Variants in DNAAF9 observed in about 807,000 individuals in gnomAD.
DNAAF9 encodes dynein axonemal assembly factor 9.
A neutral mutation model predicts 167.0 loss-of-function variants in DNAAF9; 90 were observed. The ratio of observed to expected loss-of-function variants is 0.54; its 90% CI spans 0.45 to 0.64. The LOEUF (loss-of-function observed/expected upper bound fraction) is 0.64. DNAAF9 is among the 30% of genes least tolerant of loss of function. The probability of loss-of-function intolerance (pLI) is 0.00; values close to 1 mark genes in which losing one functional copy is unlikely to be tolerated. For missense variants in DNAAF9, 1,315 were observed against 1,442.2 expected, an observed-to-expected ratio of 0.91 and a Z score of 1.43; for synonymous variants, 491 against 508.8, an observed-to-expected ratio of 0.96 and a Z score of 0.47.
At chr20:3,259,350 G>A (rs556472403) in intron 33 of DNAAF9, 130 bp downstream of exon 33, 1 of 723,458 alleles carries the variant, frequency 1.4e-6, no homozygotes, top group Non-Finnish European at 2.5e-6. Flanking sequence ...TGAAGGCCCA[G>A]GGTGGGGAAG....
intron 31 of DNAAF9, among the ~76,000 whole-genome samples, chr20:3,263,044 A>T (rs542523836): frequency 9.3e-5 from 12 of 129,204 alleles, no homozygotes; most frequent in African/African-American, 3.6e-4. Flanking sequence ...GCGTGATCTC[A>T]GCTCACTGCA....
chr20:3,293,126 T>C (rs1374482531), intron 25 of DNAAF9, among the ~76,000 whole-genome samples: 2 of 150,106 alleles, frequency 1.3e-5, no homozygotes, highest in East Asian at 2.0e-4. Flanking sequence ...ACCCCGTCTC[T>C]ACTAAAAATA....
chr20:3,348,290 C>T (rs973613529), intron 8 of DNAAF9, among the ~76,000 whole-genome samples: 1 of 152,076 alleles, frequency 6.6e-6, no homozygotes, highest in African/African-American at 2.4e-5. Context: ...GAATTCCTGG[C>T]ACCACCACAC....
chr20:3,351,786 G>A (rs1949381994), intron 7 of DNAAF9, among the ~76,000 whole-genome samples: 1 of 152,108 alleles, frequency 6.6e-6, no homozygotes, highest in Admixed American at 6.6e-5. Flanking sequence ...TTTACAATAA[G>A]TTATTAGATT....
chr20:3,405,495 A>C (rs913583631), intron 1 of DNAAF9, among the ~76,000 whole-genome samples: 1 of 152,220 alleles, frequency 6.6e-6, no homozygotes, highest in African/African-American at 2.4e-5. Flanking sequence ...AAAGGAGGGA[A>C]GCCTTCAGCA....
intron 3 of DNAAF9, among the ~76,000 whole-genome samples, chr20:3,377,004 G>T (rs951725616): frequency 2.0e-5 from 3 of 152,210 alleles, no homozygotes; most frequent in Non-Finnish European, 4.4e-5. Flanking sequence ...GGGAGGCAGA[G>T]GTTGCAGTGA....
intron 1 of DNAAF9, among the ~76,000 whole-genome samples, chr20:3,383,251 C>T (rs1038186011): frequency 2.0e-5 from 3 of 149,196 alleles, no homozygotes; most frequent in African/African-American, 7.4e-5. Flanking sequence ...GGATCTGCCT[C>T]TAATACTCAT....
intron 20 of DNAAF9, among the ~76,000 whole-genome samples, chr20:3,313,334 A>G (rs964913750): frequency 6.6e-6 from 1 of 152,248 alleles, no homozygotes; most frequent in Non-Finnish European, 1.5e-5. Flanking sequence ...CAGTATGTGG[A>G]TAGAAAACCA....
At chr20:3,314,994 C>G (rs780831776) in intron 20 of DNAAF9, 39 bp downstream of exon 20, 1 of 1,179,616 alleles carries the variant, frequency 8.5e-7, no homozygotes, top group Admixed American at 1.7e-5. Context: ...AATGAGGGAC[C>G]CAGACATGGC....
chr20:3,288,678 C>T (rs1322818392), intron 26 of DNAAF9, among the ~76,000 whole-genome samples: 1 of 139,138 alleles, frequency 7.2e-6, no homozygotes, highest in Non-Finnish European at 1.6e-5. Flanking sequence ...CTGCAGGATG[C>T]CTTACCTTGG....
At chr20:3,266,546 C>T (rs916375330) in intron 30 of DNAAF9, among the ~76,000 whole-genome samples, 7 of 152,248 alleles carry the variant, frequency 4.6e-5, no homozygotes, top group East Asian at 3.9e-4. Context: ...GGCGCGGTCT[C>T]GGCCCACTGC....
chr20:3,311,945 G>C (rs115265169), intron 20 of DNAAF9, among the ~76,000 whole-genome samples: 94 of 151,254 alleles, frequency 6.2e-4, no homozygotes, highest in African/African-American at 2.1e-3. Flanking sequence ...TTCTAGAGCT[G>C]AAAAAAACTT....
chr20:3,363,765 T>C (rs1324614412), intron 6 of DNAAF9, among the ~76,000 whole-genome samples: 1 of 152,192 alleles, frequency 6.6e-6, no homozygotes, highest in Non-Finnish European at 1.5e-5. Flanking sequence ...CTTTGGATTC[T>C]TTATTTTCTC....
rs537804249 is a variant in DNAAF9 at position 3,353,106 on chromosome 20, C to T, written c.691-4483G>A. ...GTATACAGATGTTATATAATATATACAGATATATATAACATATATATAACA... is the reference window on the plus strand; with the variant it reads ...GTATACAGATGTTATATAATATATATAGATATATATAACATATATATAACA... On this transcript the variant is annotated intron_variant, in intron 7 of 36. Transcript: ENST00000252032. Among the ~76,000 whole-genome samples the T allele has an allele frequency of 3.0e-3, 411 of 138,210 alleles. 1 individual carries two copies. The highest frequency in any genetic ancestry group is 0.011 in the African/African-American group (386 of 36,100). The allele number at this position is 138,210 out of a possible 152,430, so 90.7% of individuals were successfully genotyped here.
intron 1 of DNAAF9, among the ~76,000 whole-genome samples, chr20:3,406,196 G>T (rs542241009): frequency 6.6e-6 from 1 of 152,182 alleles, no homozygotes; most frequent in South Asian, 2.1e-4. Context: ...AGGTTTCTAA[G>T]AATCAGTTTC....
intron 24 of DNAAF9, 32 bp downstream of exon 24, chr20:3,294,496 A>G (rs1436331017): frequency 7.0e-7 from 1 of 1,436,992 alleles, no homozygotes; most frequent in African/African-American, 1.4e-5. Flanking sequence ...AAGCCAGAAT[A>G]TTAAACATCT....
intron 21 of DNAAF9, among the ~76,000 whole-genome samples, chr20:3,302,824 G>T (rs1008653575): frequency 6.6e-6 from 1 of 152,168 alleles, no homozygotes; most frequent in Non-Finnish European, 1.5e-5. Context: ...AAACATTTTG[G>T]TTTGATAGTA....
intron 29 of DNAAF9, among the ~76,000 whole-genome samples, chr20:3,276,135 C>T (rs2068672155): frequency 6.6e-6 from 1 of 152,174 alleles, no homozygotes; most frequent in Non-Finnish European, 1.5e-5. Flanking sequence ...GACTCATGAA[C>T]AGGAGCAAAG....
In DNAAF9 at chr20:3,332,905, GT is replaced by G. The variant is rs1459826546; in HGVS notation, c.982-545del. Among the ~76,000 whole-genome samples the G allele has an allele frequency of 3.2e-5, 4 of 125,380 alleles. No individual in the cohort carries two copies. The East Asian group carries it at 1.1e-3, about 34-fold the overall frequency. 82.3% of individuals were successfully genotyped at this position (125,380 alleles called of 152,430 possible). A position where few individuals can be genotyped will look rare whatever the true frequency, so the allele number is the denominator to read the frequency against. Reference sequence around the variant, plus strand: ...GTGTGTGCGTGTGTGCGTGTGGTGTGTGTGTGTGTGTGTGTGTGTGTGTGTG... The same window carrying G: ...GTGTGTGCGTGTGTGCGTGTGGTGTGGTGTGTGTGTGTGTGTGTGTGTGTG... On this transcript the variant is annotated intron_variant, in intron 10 of 36. Transcript: ENST00000252032.
Sources: gnomAD v4.1 joint callset for allele counts (sites outside exome capture counted in the v4.1 genomes callset) on GRCh38, gnomAD v4.1.1 for gene constraint, MANE v1.5 for transcripts, NCBI Gene and HGNC (gene_info 2026-07-23, HGNC 2026-07-21) for gene names.